SLIT3: variants seen among roughly 807,000 people sequenced by gnomAD.
SLIT3 encodes the protein slit homolog 3 protein.
A neutral mutation model predicts 184.0 loss-of-function variants in SLIT3; 68 were observed. The ratio of observed to expected loss-of-function variants is 0.37; its 90% confidence interval spans 0.30 to 0.45. The LOEUF (loss-of-function observed/expected upper bound fraction) is 0.45, where lower values mean the gene tolerates loss of function less well. Among genes scored for constraint, SLIT3 ranks in the 20% least tolerant of loss-of-function variants. The probability of loss-of-function intolerance (pLI) is 1.00; values close to 1 mark genes in which losing one functional copy is unlikely to be tolerated. For missense variants in SLIT3, 1,707 were observed against 2,026.0 expected (o/e 0.84, Z 3.02); for synonymous variants, 831 against 828.6 (o/e 1.00, Z -0.05).
intron 8 of SLIT3, 99 bp downstream of exon 8, chr5:168,817,201 C>T: frequency 8.8e-7 from 1 of 1,135,390 alleles, no homozygotes; most frequent in Non-Finnish European, 1.3e-6. Flanking sequence ...ACACCAAGCT[C>T]TGGGCTAGGG....
chr5:168,703,708 C>T (rs1363329380), intron 26 of SLIT3, among the ~76,000 whole-genome samples: 2 of 152,058 alleles, frequency 1.3e-5, no homozygotes, highest in African/African-American at 2.4e-5. Flanking sequence ...AATCCCAGCA[C>T]TTTGGGAGGC....
At chr5:169,050,730 G>A (rs2113059138) in intron 4 of SLIT3, among the ~76,000 whole-genome samples, 1 of 151,820 alleles carries the variant, frequency 6.6e-6, no homozygotes, top group East Asian at 1.9e-4. Flanking sequence ...TTCACGTTGA[G>A]CTTGCTGCCA....
At chr5:168,947,422 GC>G (rs1762515180) in intron 4 of SLIT3, among the ~76,000 whole-genome samples, 1 of 152,170 alleles carries the variant, frequency 6.6e-6, no homozygotes, top group Non-Finnish European at 1.5e-5. Flanking sequence ...ACTCCCCCAG[GC>G]CCCTGCTCAC....
intron 4 of SLIT3, among the ~76,000 whole-genome samples, chr5:169,053,906 G>A (rs914636457): frequency 6.6e-6 from 1 of 151,908 alleles, no homozygotes; most frequent in South Asian, 2.1e-4. Context: ...TGGCCAACAT[G>A]GTGAAACCCC....
At chr5:168,741,533 G>C (rs866210942) in intron 20 of SLIT3, among the ~76,000 whole-genome samples, 1 of 150,706 alleles carries the variant, frequency 6.6e-6, no homozygotes, top group African/African-American at 2.4e-5. Context: ...TGCCTGCTAC[G>C]GGTTAGTTGC....
intron 6 of SLIT3, among the ~76,000 whole-genome samples, chr5:168,841,510 C>A (rs1359075781): frequency 1.3e-5 from 2 of 152,182 alleles, no homozygotes; most frequent in Non-Finnish European, 2.9e-5. Context: ...ATACTCTGCA[C>A]TGGACATCCC....
At chr5:168,957,823 C>A (rs1302350640) in intron 4 of SLIT3, among the ~76,000 whole-genome samples, 2 of 152,218 alleles carry the variant, frequency 1.3e-5, no homozygotes, top group African/African-American at 4.8e-5. Flanking sequence ...GCTTCAGCTA[C>A]TTACTCACCG....
intron 4 of SLIT3, among the ~76,000 whole-genome samples, chr5:168,953,279 C>T (rs931676977): frequency 1.3e-5 from 2 of 152,188 alleles, no homozygotes; most frequent in African/African-American, 2.4e-5. Context: ...CATGCATTGA[C>T]TTAGCAGCTA....
At chr5:169,235,976 CT>C (rs1765185139) in intron 3 of SLIT3, among the ~76,000 whole-genome samples, 1 of 152,198 alleles carries the variant, frequency 6.6e-6, no homozygotes, top group Non-Finnish European at 1.5e-5. Flanking sequence ...ACATAGAACT[CT>C]TTCGAAGGAA....
At chr5:168,986,006 A>T (rs1016180680) in intron 4 of SLIT3, among the ~76,000 whole-genome samples, 1 of 152,156 alleles carries the variant, frequency 6.6e-6, no homozygotes, top group African/African-American at 2.4e-5. Context: ...ACTGAAAGGC[A>T]CTTCATCATG....
intron 3 of SLIT3, among the ~76,000 whole-genome samples, chr5:169,232,777 A>T (rs554831076): frequency 4.7e-4 from 72 of 152,300 alleles, no homozygotes; most frequent in African/African-American, 1.7e-3. Flanking sequence ...GCATTCCTAT[A>T]TAAATTTTAG....
chr5:168,700,622 C>T lies in SLIT3; in HGVS notation c.2902G>A (p.Gly968Ser). 3 of 1,614,204 alleles carry T rather than the reference C, an allele frequency of 1.9e-6. No homozygotes were observed. The highest frequency in any genetic ancestry group is 2.5e-6 in the Non-Finnish European group (3 of 1,180,034). ...TGGCTGTCACTCAGGTGGCAGGTGC[C>T]TCCATGCTGACAGGGGTTCTGGATG... ...TCIQNPCQHG[G>S]TCHLSDSHKD... is the part of the protein sequence containing the mutation. The change falls in exon 27 of 36, where the codon GGC becomes AGC. Residue 968 changes from glycine to serine, a missense_variant. Gly to Ser is a moderately conservative substitution (Grantham distance 56). Coordinates refer to ENST00000519560, the MANE Select transcript of SLIT3 (RefSeq NM_003062.4).
At chr5:168,888,008 A>G (rs947458074) in intron 4 of SLIT3, among the ~76,000 whole-genome samples, 7 of 152,196 alleles carry the variant, frequency 4.6e-5, no homozygotes, top group Non-Finnish European at 1.0e-4. Flanking sequence ...GTTTGATTCT[A>G]GATTCTTTTG....
At chr5:168,858,489 A>G (rs1307380603) in intron 5 of SLIT3, among the ~76,000 whole-genome samples, 1 of 152,214 alleles carries the variant, frequency 6.6e-6, no homozygotes, top group Non-Finnish European at 1.5e-5. Context: ...TTAGGGGGAA[A>G]AATTCCTTGT....
At chr5:168,986,707 G>T (rs1755144731) in intron 4 of SLIT3, among the ~76,000 whole-genome samples, 1 of 152,154 alleles carries the variant, frequency 6.6e-6, no homozygotes. Context: ...GGTTCACATT[G>T]TGACTCCTTT....
intron 4 of SLIT3, among the ~76,000 whole-genome samples, chr5:169,091,498 C>T (rs1759582262): frequency 6.6e-6 from 1 of 152,214 alleles, no homozygotes; most frequent in Non-Finnish European, 1.5e-5. Context: ...CTGGAGTCCC[C>T]CATGTTAACA....
At chr5:168,963,596 C>T (rs1011565536) in intron 4 of SLIT3, among the ~76,000 whole-genome samples, 1 of 152,210 alleles carries the variant, frequency 6.6e-6, no homozygotes, top group Non-Finnish European at 1.5e-5. Flanking sequence ...AGAAAAAGAT[C>T]AGTGACCCCT....
At chr5:169,286,872 T>C (rs1487625300) in intron 1 of SLIT3, among the ~76,000 whole-genome samples, 3 of 152,196 alleles carry the variant, frequency 2.0e-5, no homozygotes, top group Non-Finnish European at 4.4e-5. Flanking sequence ...AGTGCAGTCT[T>C]CTTGGAAGAA....
chr5:168,865,173 CAAAAAAA>C (rs70979103), intron 5 of SLIT3, among the ~76,000 whole-genome samples: 2 of 56,298 alleles, frequency 3.6e-5, no homozygotes, highest in Non-Finnish European at 6.6e-5. Flanking sequence ...AACTCCGTCT[CAAAAAAA>C]AAAAAAAAAA....
Sources: allele counts gnomAD v4.1 joint callset (sites outside exome capture counted in the v4.1 genomes callset), GRCh38; gene constraint gnomAD v4.1.1; transcripts MANE v1.5; gene names NCBI Gene and HGNC (gene_info 2026-07-23, HGNC 2026-07-21).